Variants in PRKCB observed in about 807,000 individuals in gnomAD.
PRKCB encodes protein kinase C beta type.
A neutral mutation model predicts 81.5 loss-of-function variants in PRKCB; 13 were observed. The observed-to-expected ratio is 0.16, with a 90% CI of 0.10 to 0.25. The LOEUF is 0.25. Among genes scored for constraint, PRKCB ranks in the 10% least tolerant of loss-of-function variants. PRKCB has a pLI of 1.00. For synonymous variants in PRKCB, 335 were observed against 321.4 expected (o/e 1.04, Z -0.45); for missense variants, 509 against 875.7 (o/e 0.58, Z 5.29).
chr16:24,139,141 C>G (rs966314311), intron 9 of PRKCB, among the ~76,000 whole-genome samples: 1 of 151,980 alleles, frequency 6.6e-6, no homozygotes, highest in South Asian at 2.1e-4. Flanking sequence ...CGTGAGCCAC[C>G]GTGCCTGGCC....
At chr16:23,981,564 TCTTTCCTTTCTTTTCCTTTC>T (rs1240535239) in intron 2 of PRKCB, among the ~76,000 whole-genome samples, 1 of 142,496 alleles carries the variant, frequency 7.0e-6, no homozygotes. Flanking sequence ...TGGCCTTTCT[TCTTTCCTTTCTTTTCCTTTC>T]CTTTCCTTCC....
chr16:23,997,895 A>G (rs1596504029), intron 3 of PRKCB, among the ~76,000 whole-genome samples: 1 of 152,294 alleles, frequency 6.6e-6, no homozygotes, highest in East Asian at 1.9e-4. Context: ...GAAAGGGTGG[A>G]CTTGTGATGG....
chr16:23,882,847 C>T (rs1012259913), intron 2 of PRKCB, among the ~76,000 whole-genome samples: 1 of 150,754 alleles, frequency 6.6e-6, no homozygotes, highest in Non-Finnish European at 1.5e-5. Flanking sequence ...CTCAGCCTCC[C>T]AAAGTGCTGA....
At chr16:23,902,714 T>TTCCCTCCCTCGCTTCCTCCC (rs1963492494) in intron 2 of PRKCB, among the ~76,000 whole-genome samples, 1 of 86,652 alleles carries the variant, frequency 1.2e-5, no homozygotes, top group South Asian at 4.3e-4. Context: ...TCAAAAGTTT[T>TTCCCTCCCTCGCTTCCTCCC]TCCCTCCCTC....
intron 2 of PRKCB, among the ~76,000 whole-genome samples, chr16:23,881,560 G>A (rs111507724): frequency 0.03 from 4,576 of 151,798 alleles, 107 homozygotes; most frequent in South Asian, 0.065. Flanking sequence ...GCCCATTCCC[G>A]TTTTTTAAAA....
intron 7 of PRKCB, among the ~76,000 whole-genome samples, chr16:24,104,734 C>G (rs1359300263): frequency 6.6e-6 from 1 of 152,104 alleles, no homozygotes; most frequent in Non-Finnish European, 1.5e-5. Context: ...GGCCCTGGGG[C>G]AGGAGTGCAC....
Position 23,933,761 on chromosome 16 carries a change from CTA to C in PRKCB, c.206-54745_206-54744del. On this transcript the variant is annotated intron_variant, in intron 2 of 16. Coordinates refer to ENST00000643927, the MANE Select transcript of PRKCB (RefSeq NM_002738.7). Reference sequence around the variant, plus strand: ...TCCATTCGTCCATCCATCTATCCATCTATCCACTCCATCCATCCATCCATCCA... The same window carrying C: ...TCCATTCGTCCATCCATCTATCCATCTCCACTCCATCCATCCATCCATCCA... Among the ~76,000 whole-genome samples, 6 of 137,462 alleles carry C rather than the reference CTA, an allele frequency of 4.4e-5. No homozygotes were observed. The South Asian group carries it at 1.2e-3, about 28-fold the overall frequency. The allele number at this position is 137,462 out of a possible 152,430, so 90.2% of individuals were successfully genotyped here. A position where few individuals can be genotyped will look rare whatever the true frequency, so the allele number is the denominator to read the frequency against.
chr16:23,983,685 T>A (rs1356551832), intron 2 of PRKCB, among the ~76,000 whole-genome samples: 1 of 151,996 alleles, frequency 6.6e-6, no homozygotes, highest in Non-Finnish European at 1.5e-5. Flanking sequence ...TCCCCTTCTG[T>A]CTCCAAAGGG....
intron 3 of PRKCB, among the ~76,000 whole-genome samples, chr16:24,000,455 G>T (rs1397700196): frequency 3.9e-5 from 6 of 152,128 alleles, no homozygotes; most frequent in Non-Finnish European, 8.8e-5. Flanking sequence ...TCTTGATTCT[G>T]CCCAGATACT....
chr16:23,901,416 T>C (rs1963470066), intron 2 of PRKCB, among the ~76,000 whole-genome samples: 1 of 152,130 alleles, frequency 6.6e-6, no homozygotes. Flanking sequence ...GCCTGCTGGC[T>C]GCAATCTCAC....
intron 5 of PRKCB, among the ~76,000 whole-genome samples, chr16:24,044,228 G>A (rs1965738742): frequency 6.6e-6 from 1 of 152,098 alleles, no homozygotes; most frequent in Non-Finnish European, 1.5e-5. Flanking sequence ...GTATGGTGGT[G>A]CATGCCTGTA....
In PRKCB at chr16:23,994,871, G is replaced by A. The variant is rs542059654; in HGVS notation, c.288+6281G>A. ...TCAGGGGTATATCAACTCTTCAGTC[G>A]TATGTCATAATTTAGTTTGCAGGGA... On this transcript the variant is annotated intron_variant, in intron 3 of 16. Transcript: ENST00000643927. 4.6e-4 allele frequency among the ~76,000 whole-genome samples: 70 copies of A among 152,252 alleles called. 3 individuals are homozygous for A. The South Asian group carries it at 0.013, about 28-fold the overall frequency.
At chr16:23,887,342 C>G (rs1435003167) in intron 2 of PRKCB, among the ~76,000 whole-genome samples, 1 of 152,124 alleles carries the variant, frequency 6.6e-6, no homozygotes, top group Non-Finnish European at 1.5e-5. Flanking sequence ...TAAACCGTTA[C>G]CCCCTTCTCT....
At chr16:24,122,805 A>G (rs532666592) in intron 8 of PRKCB, among the ~76,000 whole-genome samples, 1 of 152,234 alleles carries the variant, frequency 6.6e-6, no homozygotes, top group East Asian at 1.9e-4. Flanking sequence ...CTAAACGTGA[A>G]TCCAGTAACG....
intron 2 of PRKCB, among the ~76,000 whole-genome samples, chr16:23,981,619 TCCCTTC>T (rs1305787342): frequency 2.1e-5 from 3 of 146,254 alleles, no homozygotes; most frequent in Non-Finnish European, 3.0e-5. Context: ...CCTTTCCCTT[TCCCTTC>T]CCTTTTTTCC....
chr16:24,097,300 T>C (rs1022404950), intron 7 of PRKCB, among the ~76,000 whole-genome samples: 2 of 152,170 alleles, frequency 1.3e-5, no homozygotes, highest in Non-Finnish European at 2.9e-5. Flanking sequence ...CCTCCCAAAG[T>C]GCTGGGATTG....
chr16:23,882,832 C>T (rs917426565), intron 2 of PRKCB, among the ~76,000 whole-genome samples: 1 of 149,772 alleles, frequency 6.7e-6, no homozygotes, highest in African/African-American at 2.5e-5. Flanking sequence ...AAGCAATCCT[C>T]CTACCTCAGC....
chr16:23,848,846 G>A (rs1368093664), intron 2 of PRKCB, among the ~76,000 whole-genome samples: 1 of 152,186 alleles, frequency 6.6e-6, no homozygotes, highest in African/African-American at 2.4e-5. Flanking sequence ...CATATATACA[G>A]TAAGCACTTG....
At chr16:24,155,022 C>A (rs1967135977) in intron 10 of PRKCB, among the ~76,000 whole-genome samples, 165 bp downstream of exon 10, 2 of 152,226 alleles carry the variant, frequency 1.3e-5, no homozygotes, top group African/African-American at 4.8e-5. Flanking sequence ...GAGGTTGCTA[C>A]TGAGAAACGC....
Sources: gnomAD v4.1 joint callset for allele counts (sites outside exome capture counted in the v4.1 genomes callset) on GRCh38, gnomAD v4.1.1 for gene constraint, MANE v1.5 for transcripts, NCBI Gene and HGNC (gene_info 2026-07-23, HGNC 2026-07-21) for gene names.